PARP11: variants seen among roughly 807,000 people sequenced by gnomAD.
PARP11 encodes the protein protein mono-ADP-ribosyltransferase PARP11.
Under a neutral mutation model 42.9 loss-of-function variants are expected in PARP11, and 31 were observed. The observed-to-expected ratio is 0.72, with a 90% CI of 0.54 to 0.98. PARP11 has a LOEUF of 0.98. Ranked by LOEUF, PARP11 falls within the 50% of genes least tolerant of loss-of-function variation. The probability of loss-of-function intolerance (pLI) is 0.00; values close to 1 mark genes in which losing one functional copy is unlikely to be tolerated. For synonymous variants in PARP11, 137 were observed against 127.3 expected, an observed-to-expected ratio of 1.08 and a Z score of -0.51; for missense variants, 365 against 413.1, an observed-to-expected ratio of 0.88 and a Z score of 1.01.
chr12:3,834,892 C>T (rs952162433), intron 1 of PARP11, among the ~76,000 whole-genome samples: 1 of 152,076 alleles, frequency 6.6e-6, no homozygotes, highest in Non-Finnish European at 1.5e-5. Context: ...AAGCTATACA[C>T]GTACCCACTG....
At chr12:3,818,271 G>C (rs562850184) in intron 6 of PARP11, among the ~76,000 whole-genome samples, 8 of 152,130 alleles carry the variant, frequency 5.3e-5, no homozygotes, top group African/African-American at 1.9e-4. Flanking sequence ...TTCGCTGTAG[G>C]TGACCTCCCT....
chr12:3,862,734 A>C (rs1948318807), intron 1 of PARP11, among the ~76,000 whole-genome samples: 1 of 152,054 alleles, frequency 6.6e-6, no homozygotes, highest in African/African-American at 2.4e-5. Context: ...CCTTTTAAAA[A>C]ATCATTTGTT....
chr12:3,832,766 G>A (rs2138052125), intron 1 of PARP11, among the ~76,000 whole-genome samples: 1 of 152,298 alleles, frequency 6.6e-6, no homozygotes, highest in Non-Finnish European at 1.5e-5. Flanking sequence ...CGGTTATGAA[G>A]CAGGTATTTA....
intron 1 of PARP11, among the ~76,000 whole-genome samples, chr12:3,850,032 C>G (rs894194930): frequency 2.0e-5 from 3 of 151,792 alleles, no homozygotes; most frequent in African/African-American, 7.3e-5. Context: ...ATATACAGAA[C>G]TGTTAAATAT....
At chr12:3,839,418 C>T (rs543096063) in intron 1 of PARP11, 4 of 1,587,174 alleles carry the variant, frequency 2.5e-6, no homozygotes, top group Non-Finnish European at 3.4e-6. Context: ...GGAAACTGGT[C>T]GCCAAGGACG....
At chr12:3,859,095 C>A (rs529523663) in intron 1 of PARP11, among the ~76,000 whole-genome samples, 18 of 142,098 alleles carry the variant, frequency 1.3e-4, no homozygotes, top group Non-Finnish European at 2.1e-4. Flanking sequence ...AAGACTCCAT[C>A]TCAAAAAAAA....
At position 3,812,148 on chromosome 12, in the gene PARP11, G is replaced by T; in HGVS notation, c.992C>A (p.Pro331His). ...TCAATGAAAGTCTATCAAGTACTCA[G>T]GATAGATTTGGTTGGCATCAAAAAC... ...FVVFDANQIY[P>H]EYLIDFH Residue 331 changes from proline to histidine, a missense_variant, in exon 8 of 8, where the codon CCT (proline) becomes CAT (histidine). Coordinates refer to ENST00000228820, the MANE Select transcript of PARP11 (RefSeq NM_020367.6). The T allele has an allele frequency of 6.2e-7, 1 of 1,613,076 alleles. No individual in the cohort carries two copies. The highest frequency in any genetic ancestry group is 2.2e-5 in the East Asian group (1 of 44,854).
intron 1 of PARP11, among the ~76,000 whole-genome samples, chr12:3,836,046 TACAC>T (rs889127983): frequency 6.6e-5 from 10 of 151,776 alleles, no homozygotes; most frequent in Admixed American, 5.9e-4. Context: ...TATATATATA[TACAC>T]ACACTCACAC....
At chr12:3,820,001 G>A (rs1947361438) in intron 6 of PARP11, among the ~76,000 whole-genome samples, 2 of 152,062 alleles carry the variant, frequency 1.3e-5, no homozygotes. Flanking sequence ...GGTGTCTGGG[G>A]CTCCCTAATT....
chr12:3,815,810 G>C (rs563233244), intron 6 of PARP11, among the ~76,000 whole-genome samples: 40 of 152,288 alleles, frequency 2.6e-4, no homozygotes, highest in Non-Finnish European at 4.6e-4. Context: ...AGCTTTACTT[G>C]ATATAGTAAT....
chr12:3,853,723 C>T (rs1948141314), intron 1 of PARP11, among the ~76,000 whole-genome samples: 1 of 152,134 alleles, frequency 6.6e-6, no homozygotes, highest in Non-Finnish European at 1.5e-5. Context: ...TTAGATAGAT[C>T]AACGAGACAG....
rs550994385 is a variant in PARP11 at position 3,834,580 on chromosome 12, G to A, written c.19-4562C>T. On this transcript the variant is annotated intron_variant, in intron 1 of 7. Transcript: ENST00000228820. ...ACCCAGGAGGCAAAGGTTTCAGTGA[G>A]CCAAGATCACACCATTGCACTCCAG... Among the ~76,000 whole-genome samples the A allele has an allele frequency of 6.2e-5, 9 of 144,962 alleles. No homozygotes were observed. The South Asian group carries it at 1.7e-3, about 28-fold the overall frequency.
Position 3,840,137 on chromosome 12 carries a change from C to A in PARP11, c.19-10119G>T. On this transcript the variant is annotated intron_variant, in intron 1 of 7. Transcript: ENST00000228820. This position sits in a 1 kb window ranked among gnomAD's most constrained non-coding sequence, Gnocchi z 4.4. Reference sequence around the variant, plus strand: ...CAGCAAAAACGTGATTATTCCATTGCTGCTGGCTTACAATATGAAGTTGGA... The same window carrying A: ...CAGCAAAAACGTGATTATTCCATTGATGCTGGCTTACAATATGAAGTTGGA... 1 of 1,610,722 alleles carries A rather than the reference C, an allele frequency of 6.2e-7. No homozygotes were observed. The highest frequency in any genetic ancestry group is 8.5e-7 in the Non-Finnish European group (1 of 1,176,896).
At chr12:3,865,558 T>TA (rs1948375808) in intron 1 of PARP11, among the ~76,000 whole-genome samples, 1 of 152,172 alleles carries the variant, frequency 6.6e-6, no homozygotes, top group Non-Finnish European at 1.5e-5. Context: ...CTAAAATATC[T>TA]AGGATTGTTT....
intron 1 of PARP11, among the ~76,000 whole-genome samples, chr12:3,837,574 T>G (rs936506192): frequency 2.0e-5 from 3 of 150,984 alleles, no homozygotes; most frequent in African/African-American, 7.3e-5. Flanking sequence ...AGCAACAAAA[T>G]GAACTAGTAA....
chr12:3,840,374 T>C lies in PARP11; in HGVS notation c.19-10356A>G. The C allele has an allele frequency of 2.5e-6, 4 of 1,614,056 alleles. No individual in the cohort carries two copies. The highest frequency in any genetic ancestry group is 3.3e-5 in the Admixed American group (2 of 60,030). ...TCTGGACAAAATTTCCATTCTGATA[T>C]GGATTACAGAGGGCCAAAGAATCCA... On this transcript the variant is annotated intron_variant, in intron 1 of 7. Coordinates refer to ENST00000228820, the MANE Select transcript of PARP11 (RefSeq NM_020367.6). The surrounding 1 kb of genome is among the most constrained non-coding windows in gnomAD (Gnocchi z 4.4).
At position 3,808,957 on chromosome 12, in the gene PARP11, T is replaced by C. The variant is rs1480075135; in HGVS notation, c.*3166A>G. 2 of 152,198 alleles carry C rather than the reference T, an allele frequency of 1.3e-5. No homozygotes were observed. The highest frequency in any genetic ancestry group is 3.9e-4 in the East Asian group (2 of 5,178). 9.4% of individuals were successfully genotyped at this position (152,198 alleles called of 1,614,324 possible). ...TCTTTATCATCATCACCATCAACAG[T>C]CTAGAAATGAAATGACACACTAATA... On this transcript the variant is annotated 3_prime_UTR_variant, in exon 8 of 8. Coordinates refer to ENST00000228820, the MANE Select transcript of PARP11 (RefSeq NM_020367.6).
chr12:3,843,085 G>C, intron 1 of PARP11, among the ~76,000 whole-genome samples: 1 of 152,140 alleles, frequency 6.6e-6, no homozygotes, highest in East Asian at 1.9e-4. Context: ...TGTCAAACTT[G>C]AATAATGTCT....
intron 1 of PARP11, chr12:3,841,692 A>G (rs376733857): frequency 6.2e-7 from 1 of 1,613,504 alleles, no homozygotes; most frequent in East Asian, 2.2e-5. Context: ...TCCCCCAGCC[A>G]TCTTTTGGAC....
Sources: gnomAD v4.1 joint callset for allele counts (sites outside exome capture counted in the v4.1 genomes callset) on GRCh38, gnomAD v4.1.1 for gene constraint, Gnocchi (gnomAD v3.1) non-coding constraint, MANE v1.5 for transcripts, NCBI Gene and HGNC (gene_info 2026-07-23, HGNC 2026-07-21) for gene names.